Variants in CSMD3 observed in about 807,000 individuals in gnomAD.
CSMD3 encodes CUB and Sushi multiple domains 3.
A neutral mutation model predicts 435.2 loss-of-function variants in CSMD3; 177 were observed. The ratio of observed to expected loss-of-function variants is 0.41; its 90% CI spans 0.36 to 0.46. The LOEUF (loss-of-function observed/expected upper bound fraction) is 0.46, where lower values mean the gene tolerates loss of function less well. Among genes scored for constraint, CSMD3 ranks in the 20% least tolerant of loss-of-function variants. The probability of loss-of-function intolerance (pLI) is 0.34; values close to 1 mark genes in which losing one functional copy is unlikely to be tolerated. For missense variants in CSMD3, 4,265 were observed against 4,504.6 expected (o/e 0.95, Z 1.52); for synonymous variants, 1,656 against 1,520.5 (o/e 1.09, Z -2.07).
rs1463288828 is a variant in CSMD3 at position 112,406,478 on chromosome 8, A to G, written c.5809+46T>C. 4 of 1,337,098 alleles carry G rather than the reference A, an allele frequency of 3.0e-6. No individual in the cohort carries two copies. The South Asian group carries it at 5.4e-5, about 18-fold the overall frequency. 82.8% of individuals were successfully genotyped at this position (1,337,098 alleles called of 1,614,324 possible). Reference sequence around the variant, plus strand: ...AAATTGAAAGATGTAACCAATTTTTATATAAACTATGTATAATCACAGATC... The same window carrying G: ...AAATTGAAAGATGTAACCAATTTTTGTATAAACTATGTATAATCACAGATC... On this transcript the variant is annotated intron_variant, in intron 35 of 70. Coordinates refer to ENST00000297405, the MANE Select transcript of CSMD3 (RefSeq NM_198123.2).
intron 10 of CSMD3, among the ~76,000 whole-genome samples, chr8:112,918,588 T>C (rs2082640770): frequency 6.6e-6 from 1 of 151,850 alleles, no homozygotes; most frequent in Non-Finnish European, 1.5e-5. Context: ...AGGCTACTTT[T>C]TGCAAAAGCT....
intron 10 of CSMD3, among the ~76,000 whole-genome samples, chr8:112,914,732 C>T (rs746143479): frequency 6.6e-6 from 1 of 151,584 alleles, no homozygotes; most frequent in Non-Finnish European, 1.5e-5. Context: ...TTTCCCTTTC[C>T]TATTGTTTCT....
intron 5 of CSMD3, among the ~76,000 whole-genome samples, chr8:113,030,059 T>A (rs2087027329): frequency 6.6e-6 from 1 of 151,204 alleles, no homozygotes; most frequent in Admixed American, 6.6e-5. Context: ...TACTTAGGAA[T>A]ACACCAAACC....
chr8:112,453,521 A>C (rs1816513235), intron 32 of CSMD3, among the ~76,000 whole-genome samples: 1 of 152,144 alleles, frequency 6.6e-6, no homozygotes, highest in African/African-American at 2.4e-5. Flanking sequence ...CAATAGCCAC[A>C]AAACAAATAA....
At chr8:112,628,778 A>C (rs1834705309) in intron 22 of CSMD3, among the ~76,000 whole-genome samples, 1 of 152,204 alleles carries the variant, frequency 6.6e-6, no homozygotes, top group Non-Finnish European at 1.5e-5. Context: ...TGCAACTCAT[A>C]GGAAAGACAT....
intron 1 of CSMD3, among the ~76,000 whole-genome samples, chr8:113,320,579 G>A (rs2093942734): frequency 6.6e-6 from 1 of 152,070 alleles, no homozygotes; most frequent in Non-Finnish European, 1.5e-5. Flanking sequence ...ATGTTGACAT[G>A]ACTCTTGCAA....
At chr8:112,830,805 T>A (rs1332335999) in intron 11 of CSMD3, among the ~76,000 whole-genome samples, 1 of 149,594 alleles carries the variant, frequency 6.7e-6, no homozygotes, top group East Asian at 1.9e-4. Context: ...TTTTTTTTTT[T>A]AGATGGAGTC....
intron 1 of CSMD3, among the ~76,000 whole-genome samples, chr8:113,432,671 T>C (rs572800114): frequency 3.5e-4 from 54 of 152,296 alleles, no homozygotes; most frequent in African/African-American, 1.2e-3. Flanking sequence ...GTTTCCCCAA[T>C]GTGCTTTCCG....
intron 23 of CSMD3, among the ~76,000 whole-genome samples, chr8:112,582,981 G>A (rs527247595): frequency 3.3e-5 from 5 of 152,024 alleles, no homozygotes; most frequent in South Asian, 4.2e-4. Context: ...AATTTATGTC[G>A]TTTATAAACC....
chr8:112,816,928 ATT>A (rs1291654574), intron 12 of CSMD3, among the ~76,000 whole-genome samples: 2 of 151,986 alleles, frequency 1.3e-5, no homozygotes. Context: ...AAACTAACAT[ATT>A]TCTGAGAATG....
rs1369289855 is a variant in CSMD3, at chr8:112,380,340, T to G, written c.6136+12A>C. On this transcript the variant is annotated intron_variant, in intron 38 of 70. Transcript: ENST00000297405. ...CTTAACCTTTTTGAATGGCACATGA[T>G]ATTATTTTTACCTGTGTATTCAAGA... The G allele has an allele frequency of 1.5e-6, 2 of 1,377,834 alleles. No homozygotes were observed. The highest frequency in any genetic ancestry group is 2.9e-5 in the African/African-American group (2 of 70,132). The allele number at this position is 1,377,834 out of a possible 1,614,324, so 85.4% of individuals were successfully genotyped here.
chr8:112,273,652 G>T (rs770333138), intron 59 of CSMD3, among the ~76,000 whole-genome samples: 11 of 149,490 alleles, frequency 7.4e-5, no homozygotes, highest in Non-Finnish European at 1.6e-4. Context: ...CGTGAACCCG[G>T]TAGGTGGAGT....
At chr8:112,373,819 G>A (rs1044554037) in intron 38 of CSMD3, among the ~76,000 whole-genome samples, 6 of 152,106 alleles carry the variant, frequency 3.9e-5, no homozygotes, top group African/African-American at 1.2e-4. Flanking sequence ...TTGGGTAGAG[G>A]GCACTGTATT....
At chr8:113,366,774 C>T (rs972600381) in intron 1 of CSMD3, among the ~76,000 whole-genome samples, 1 of 151,938 alleles carries the variant, frequency 6.6e-6, no homozygotes, top group Non-Finnish European at 1.5e-5. Context: ...ATAAACTTTT[C>T]TAAATGTAAC....
At chr8:112,587,351 T>C (rs1475617734) in intron 22 of CSMD3, 116 bp from the exon 23 acceptor site, 1 of 752,466 alleles carries the variant, frequency 1.3e-6, no homozygotes, top group Non-Finnish European at 2.3e-6. Context: ...AGTAGAAAAA[T>C]AATATACAGA....
At chr8:112,556,731 A>C (rs1381112927) in intron 25 of CSMD3, 32 bp downstream of exon 25, 1 of 1,528,678 alleles carries the variant, frequency 6.5e-7, no homozygotes, top group African/African-American at 1.4e-5. Context: ...TTTCACAGAA[A>C]TATTCAATGA....
At chr8:112,719,576 C>T (rs1164813250) in intron 13 of CSMD3, among the ~76,000 whole-genome samples, 2 of 152,096 alleles carry the variant, frequency 1.3e-5, no homozygotes, top group Admixed American at 1.3e-4. Context: ...TTTCACGTCT[C>T]TTCTTAGAAG....
chr8:112,737,096 A>G (rs1285638993), intron 13 of CSMD3, among the ~76,000 whole-genome samples: 1 of 152,018 alleles, frequency 6.6e-6, no homozygotes, highest in African/African-American at 2.4e-5. Context: ...AAAATTTGAG[A>G]TAAGGTACAA....
intron 27 of CSMD3, among the ~76,000 whole-genome samples, chr8:112,549,413 CTTTTCAGT>C (rs1237143777): frequency 1.3e-5 from 2 of 151,854 alleles, no homozygotes; most frequent in Admixed American, 6.6e-5. Flanking sequence ...GAGATATTGA[CTTTTCAGT>C]TTATACCTCT....
Sources: gnomAD v4.1 joint callset for allele counts (sites outside exome capture counted in the v4.1 genomes callset) on GRCh38, gnomAD v4.1.1 for gene constraint, MANE v1.5 for transcripts, NCBI Gene and HGNC (gene_info 2026-07-23, HGNC 2026-07-21) for gene names.